The following ANO7 variants were observed in gnomAD, a reference collection of about 807,000 sequenced individuals.
The protein encoded by ANO7 is anoctamin-7.
ANO7 carries 114 observed loss-of-function variants against 115.8 expected under a neutral mutation model. That is an observed-to-expected ratio of 0.98 (90% CI 0.85 to 1.15). The LOEUF (loss-of-function observed/expected upper bound fraction) is 1.15, where lower values mean the gene tolerates loss of function less well. Ranked by LOEUF, ANO7 falls within the 50% of genes most tolerant of loss-of-function variation. ANO7 has a pLI of 0.00. For synonymous variants in ANO7, 550 were observed against 498.2 expected, an observed-to-expected ratio of 1.10 and a Z score of -1.38; for missense variants, 1,302 against 1,201.2, an observed-to-expected ratio of 1.08 and a Z score of -1.24.
chr2:241,200,072 C>T lies in ANO7; in HGVS notation c.418-17C>T, dbSNP rs1413940431. The T allele has an allele frequency of 3.1e-6, 5 of 1,609,566 alleles. No individual in the cohort carries two copies. In the Admixed American group the frequency reaches 8.3e-5, roughly 27 times the overall value. On this transcript the variant is annotated splice_polypyrimidine_tract_variant and intron_variant, in intron 5 of 24. Coordinates refer to ENST00000674324, the MANE Select transcript of ANO7 (RefSeq NM_001370694.2). ...CTCCTCCCGGGAGTGGGAGGAGCCA[C>T]TGACGTTTCCTTCCAGGAGTTACCC...
rs532346240 is a variant in ANO7, at chr2:241,203,191, A to C, written c.724-142A>C. On this transcript the variant is annotated intron_variant, in intron 8 of 24. Coordinates refer to ENST00000674324, the MANE Select transcript of ANO7 (RefSeq NM_001370694.2). The surrounding 1 kb of genome is among the most constrained non-coding windows in gnomAD (Gnocchi z 4.8). ...GACCACCCTGTACCCACCCCTCCACATTACTCTATTTTTTCTTCATGGAGC... is the reference window on the plus strand; with the variant it reads ...GACCACCCTGTACCCACCCCTCCACCTTACTCTATTTTTTCTTCATGGAGC... The C allele has an allele frequency of 1.9e-4, 99 of 520,698 alleles. No homozygotes were observed. The highest frequency in any genetic ancestry group is 3.7e-4 in the East Asian group (9 of 24,096). 32.3% of individuals were successfully genotyped at this position (520,698 alleles called of 1,614,324 possible).
In ANO7 at chr2:241,203,244, C is replaced by T; in HGVS notation, c.724-89C>T. The stretch of plus-strand genomic sequence containing the variant: ...TCCCAGACTCCCAGGCCTGTCTGCC[C>T]ATGTCCCACACTGAAGCCCCTGCAC... On this transcript the variant is annotated intron_variant, in intron 8 of 24. Coordinates refer to ENST00000674324, the MANE Select transcript of ANO7 (RefSeq NM_001370694.2). The surrounding 1 kb of genome is among the most constrained non-coding windows in gnomAD (Gnocchi z 4.8). The T allele has an allele frequency of 9.1e-7, 1 of 1,092,948 alleles. No individual in the cohort carries two copies. The highest frequency in any genetic ancestry group is 1.8e-5 in the South Asian group (1 of 54,938). 67.7% of individuals were successfully genotyped at this position (1,092,948 alleles called of 1,614,324 possible).
the ANO7 span, chr2:241,233,729 C>G: frequency 6.9e-7 from 1 of 1,458,628 alleles, no homozygotes; most frequent in Non-Finnish European, 9.5e-7. This position sits in a 1 kb window ranked among gnomAD's most constrained non-coding sequence, Gnocchi z 4.3. Context: ...CCCTCGAACC[C>G]CCATCTAGGC....
rs1185030461 is a variant in ANO7 at position 241,217,944 on chromosome 2, CGG to C, written c.2178+60_2178+61del. 4.9e-4 allele frequency: 23 copies of C among 46,554 alleles called. 4 individuals are homozygous for C. The highest frequency in any genetic ancestry group is 1.2e-3 in the South Asian group (3 of 2,532). 2.9% of individuals were successfully genotyped at this position (46,554 alleles called of 1,614,324 possible). ...GGGCGGGGGCGCGCAGGGGCGGGGG[CGG>C]GGGGGGCAGCGGGGGCGCGCAGGGG... On this transcript the variant is annotated intron_variant, in intron 20 of 24. Coordinates refer to ENST00000674324, the MANE Select transcript of ANO7 (RefSeq NM_001370694.2).
At chr2:241,226,235 T>C (rs2069166757), downstream of ANO7, among the ~76,000 whole-genome samples, 1 of 151,936 alleles carries the variant, frequency 6.6e-6, no homozygotes, top group Non-Finnish European at 1.5e-5. Context: ...GAGATGGAAC[T>C]GGGGACTTTG....
In ANO7 at chr2:241,225,604, C is replaced by T. The variant is rs916240033; in HGVS notation, c.*1451C>T. On this transcript the variant is annotated 3_prime_UTR_variant, in exon 25 of 25. Coordinates refer to ENST00000674324, the MANE Select transcript of ANO7 (RefSeq NM_001370694.2). ...TGCCAAACTTACTCCACAGAAAAGG[C>T]CTCTTTCTGAACATCCTCGCCTGCG... Among the ~76,000 whole-genome samples, 5 of 152,200 alleles carry T rather than the reference C, an allele frequency of 3.3e-5. No homozygotes were observed. Among genetic ancestry groups the T allele is most frequent in the Non-Finnish European group, 5.9e-5 (4 of 68,038 alleles).
At chr2:241,230,544 G>A (rs1396358521), downstream of ANO7, among the ~76,000 whole-genome samples, 4 of 152,242 alleles carry the variant, frequency 2.6e-5, no homozygotes, top group African/African-American at 4.8e-5. The surrounding 1 kb of genome is among the most constrained non-coding windows in gnomAD (Gnocchi z 5.0). Context: ...CAGCTGTCAA[G>A]GAGATGCCCT....
the ANO7 span, chr2:241,239,753 C>T: frequency 6.2e-7 from 1 of 1,614,204 alleles, no homozygotes; most frequent in Non-Finnish European, 8.5e-7. The surrounding 1 kb of genome is among the most constrained non-coding windows in gnomAD (Gnocchi z 4.6). Context: ...CAAGACCTGG[C>T]CTCTGCGGAT....
At chr2:241,236,376 C>T in the ANO7 span, 1 of 553,848 alleles carries the variant, frequency 1.8e-6, no homozygotes, top group African/African-American at 1.9e-5. Flanking sequence ...GGCCGGATCC[C>T]ATGCAGCTGT....
Position 241,188,775 on chromosome 2 carries a change from C to A in ANO7, c.-8+9C>A. The A allele has an allele frequency of 1.2e-6, 2 of 1,612,068 alleles. No individual in the cohort carries two copies. The highest frequency in any genetic ancestry group is 1.1e-5 in the South Asian group (1 of 90,958). ...GGAAGCCACTGTGCCAGGTGGGGAC[C>A]CAGCCTAGACGTGTGGGCCACAGGG... is the stretch of plus-strand genomic sequence containing the variant. On this transcript the variant is annotated intron_variant, in intron 1 of 24. Coordinates refer to ENST00000674324, the MANE Select transcript of ANO7 (RefSeq NM_001370694.2). The surrounding 1 kb of genome is among the most constrained non-coding windows in gnomAD (Gnocchi z 4.3).
downstream of ANO7, chr2:241,230,676 G>T: frequency 8.4e-7 from 1 of 1,188,138 alleles, no homozygotes; most frequent in Non-Finnish European, 1.2e-6. This position sits in a 1 kb window ranked among gnomAD's most constrained non-coding sequence, Gnocchi z 5.0. Context: ...TGAGGGGAAG[G>T]CCATGCCCTG....
At chr2:241,195,657 A>G (rs934370418) in intron 3 of ANO7, 46 bp from the exon 4 acceptor site, 33 of 1,590,474 alleles carry the variant, frequency 2.1e-5, no homozygotes, top group Non-Finnish European at 2.8e-5. Flanking sequence ...TGGGCCGGCC[A>G]CTGCCACTTA....
At chr2:241,223,637 C>T (rs1390199872) in intron 22 of ANO7, 25 bp from the exon 23 acceptor site, 11 of 1,607,410 alleles carry the variant, frequency 6.8e-6, no homozygotes, top group Admixed American at 1.7e-5. Context: ...TTTGGGTGGG[C>T]GTGAGTGCCT....
intron 9 of ANO7, among the ~76,000 whole-genome samples, chr2:241,204,542 C>T (rs968692519): frequency 2.6e-5 from 4 of 152,194 alleles, no homozygotes; most frequent in South Asian, 2.1e-4. Context: ...CTTCTCTGTC[C>T]GTCCCGGGCA....
intron 17 of ANO7, among the ~76,000 whole-genome samples, chr2:241,213,978 C>G (rs1347258549): frequency 1.3e-5 from 2 of 152,242 alleles, no homozygotes; most frequent in African/African-American, 4.8e-5. Flanking sequence ...CCAACTCAAA[C>G]TGGCTTAAAC....
intron 19 of ANO7, among the ~76,000 whole-genome samples, chr2:241,217,359 G>GT (rs1336294335): frequency 2.0e-5 from 3 of 152,242 alleles, no homozygotes; most frequent in Non-Finnish European, 2.9e-5. Flanking sequence ...CCCCTGTGGG[G>GT]TGACTGGAGA....
In ANO7 at chr2:241,188,759, T is replaced by C; in HGVS notation, c.-15T>C. On this transcript the variant is annotated 5_prime_UTR_variant, in exon 1 of 25. Transcript: ENST00000674324. The surrounding 1 kb of genome is among the most constrained non-coding windows in gnomAD (Gnocchi z 4.3). ...CTCCGAGACCTCTTCCGGAAGCCAC[T>C]GTGCCAGGTGGGGACCCAGCCTAGA... is the stretch of plus-strand genomic sequence containing the variant. 2 of 1,612,070 alleles carry C rather than the reference T, an allele frequency of 1.2e-6. No individual in the cohort carries two copies. Among genetic ancestry groups the C allele is most frequent in the South Asian group, 2.2e-5 (2 of 91,004 alleles).
chr2:241,235,099 GC>G, the ANO7 span: 7 of 1,609,360 alleles, frequency 4.3e-6, no homozygotes, highest in Non-Finnish European at 5.1e-6. Flanking sequence ...TCTGGGCAGT[GC>G]CCCGGCCACC....
At chr2:241,207,518 G>A in intron 10 of ANO7, 56 bp from the exon 11 acceptor site, 1 of 1,497,934 alleles carries the variant, frequency 6.7e-7, no homozygotes. Flanking sequence ...TGGCTGGGAG[G>A]AGCAAGCAGC....
Sources: allele counts gnomAD v4.1 joint callset (sites outside exome capture counted in the v4.1 genomes callset), GRCh38; gene constraint gnomAD v4.1.1; non-coding constraint Gnocchi (gnomAD v3.1); transcripts MANE v1.5; gene names NCBI Gene and HGNC (gene_info 2026-07-23, HGNC 2026-07-21).